CDH13: variants seen among roughly 807,000 people sequenced by gnomAD.
CDH13 encodes cadherin 13.
In CDH13, 24 loss-of-function variants were observed where a neutral mutation model predicts 63.8. That is an observed-to-expected ratio of 0.38 (90% confidence interval 0.27 to 0.53). The LOEUF (loss-of-function observed/expected upper bound fraction) is 0.53. Among genes scored for constraint, CDH13 ranks in the 20% least tolerant of loss-of-function variants. CDH13 has a pLI of 0.85. For synonymous variants in CDH13, 503 were observed against 355.3 expected (o/e 1.42, Z -4.67); for missense variants, 1,049 against 903.1 (o/e 1.16, Z -2.07).
At chr16:83,369,272 C>G (rs1446688830) in intron 6 of CDH13, among the ~76,000 whole-genome samples, 1 of 151,858 alleles carries the variant, frequency 6.6e-6, no homozygotes, top group Non-Finnish European at 1.5e-5. Flanking sequence ...AGCTCATTTT[C>G]TAGTAGCAGT....
chr16:83,285,523 TA>T (rs1039691825), intron 5 of CDH13, among the ~76,000 whole-genome samples: 4 of 151,702 alleles, frequency 2.6e-5, no homozygotes, highest in East Asian at 3.9e-4. Context: ...AAAAAAACAG[TA>T]AAAATAACAC....
chr16:83,426,439 C>G (rs923619366), intron 6 of CDH13, among the ~76,000 whole-genome samples: 1 of 152,050 alleles, frequency 6.6e-6, no homozygotes, highest in Non-Finnish European at 1.5e-5. Flanking sequence ...CACCATAAAT[C>G]TCCTCCTGGA....
intron 4 of CDH13, among the ~76,000 whole-genome samples, chr16:83,136,405 G>T (rs1459915720): frequency 6.8e-6 from 1 of 147,256 alleles, no homozygotes; most frequent in Admixed American, 6.9e-5. Context: ...AGAATGGCGT[G>T]AACCCAGGAG....
At chr16:83,580,448 TTCTCTCTCTCTCTCTCTCTC>T (rs55664829) in intron 7 of CDH13, among the ~76,000 whole-genome samples, 5,502 of 76,362 alleles carry the variant, frequency 0.072, 191 homozygotes, top group Middle Eastern at 0.15. Flanking sequence ...TTCTGTTCAT[TTCTCTCTCTCTCTCTCTCTC>T]TCTCTCTCTC....
At chr16:83,754,273 C>G (rs140489288) in intron 11 of CDH13, among the ~76,000 whole-genome samples, 241 of 152,260 alleles carry the variant, frequency 1.6e-3, no homozygotes, top group African/African-American at 5.3e-3. Context: ...TGTGGGATGG[C>G]TGGAGAGTTA....
At chr16:83,546,131 A>G (rs1051228274) in intron 7 of CDH13, among the ~76,000 whole-genome samples, 2 of 152,228 alleles carry the variant, frequency 1.3e-5, no homozygotes, top group African/African-American at 2.4e-5. Context: ...AGAAAGAGCC[A>G]TTGTGAGGTG....
chr16:83,302,843 A>G (rs945761054), intron 5 of CDH13, among the ~76,000 whole-genome samples: 1 of 152,344 alleles, frequency 6.6e-6, no homozygotes, highest in African/African-American at 2.4e-5. Flanking sequence ...TGTGACAGAT[A>G]TCTCTAACTC....
chr16:82,938,562 G>A (rs866476994), intron 2 of CDH13, among the ~76,000 whole-genome samples: 11 of 152,164 alleles, frequency 7.2e-5, no homozygotes, highest in South Asian at 2.1e-4. Context: ...AGAGGCCACC[G>A]TTGTCCAGAG....
chr16:83,523,976 A>T (rs898947624), intron 7 of CDH13, among the ~76,000 whole-genome samples: 10 of 152,206 alleles, frequency 6.6e-5, no homozygotes, highest in African/African-American at 2.4e-4. Flanking sequence ...AGTCCCCAGG[A>T]GTATTTGCAC....
chr16:83,688,520 C>A (rs1477857102), intron 10 of CDH13, among the ~76,000 whole-genome samples: 1 of 152,098 alleles, frequency 6.6e-6, no homozygotes, highest in Non-Finnish European at 1.5e-5. Flanking sequence ...AAGAGAAGGC[C>A]TTCATCTTCT....
intron 3 of CDH13, among the ~76,000 whole-genome samples, chr16:83,046,490 A>T (rs910166843): frequency 6.6e-6 from 1 of 152,252 alleles, no homozygotes; most frequent in African/African-American, 2.4e-5. Flanking sequence ...TATCCCATAT[A>T]TGTTTTGAGA....
intron 6 of CDH13, among the ~76,000 whole-genome samples, chr16:83,481,816 A>G (rs144482873): frequency 2.1e-3 from 322 of 152,300 alleles, no homozygotes; most frequent in African/African-American, 4.7e-3. Context: ...GGAAGCCCCA[A>G]TGCGTGTCTG....
At position 83,284,290 on chromosome 16, in the gene CDH13, G is replaced by C. The variant is rs183430130; in HGVS notation, c.637-60572G>C. Among the ~76,000 whole-genome samples the C allele has an allele frequency of 1.7e-3, 264 of 152,276 alleles. 1 individual carries two copies. The highest frequency in any genetic ancestry group is 6.0e-3 in the African/African-American group (250 of 41,550). ...TCTGAGTAGTCAAAGCAGAGAGTTG[G>C]TACTAGATGGCGCTGGACTTACTAG... On this transcript the variant is annotated intron_variant, in intron 5 of 13. Transcript: ENST00000567109.
intron 6 of CDH13, among the ~76,000 whole-genome samples, chr16:83,392,323 G>A (rs764492277): frequency 2.0e-5 from 3 of 152,308 alleles, no homozygotes; most frequent in Admixed American, 6.5e-5. Flanking sequence ...CTCACGAGCT[G>A]TAAGTACTAA....
chr16:83,476,289 C>G lies in CDH13; in HGVS notation c.782-10188C>G, dbSNP rs185609542. 2.0e-3 allele frequency among the ~76,000 whole-genome samples: 307 copies of G among 152,180 alleles called. 2 individuals carry two copies. The highest frequency in any genetic ancestry group is 2.0e-3 in the Non-Finnish European group (137 of 68,002). Reference sequence around the variant, plus strand: ...CCCAGTTGTAACAACCAAAAGTATCCCCAGGCATTGCCAAATGTTCCCTAG... The same window carrying G: ...CCCAGTTGTAACAACCAAAAGTATCGCCAGGCATTGCCAAATGTTCCCTAG... On this transcript the variant is annotated intron_variant, in intron 6 of 13. Transcript: ENST00000567109.
chr16:83,397,842 T>C (rs1165930072), intron 6 of CDH13: 2 of 152,186 alleles, frequency 1.3e-5, no homozygotes, highest in East Asian at 1.9e-4. Flanking sequence ...TCCATATTCA[T>C]AGAGCTAAAG....
chr16:83,169,863 C>G (rs537685551), intron 4 of CDH13, among the ~76,000 whole-genome samples: 1 of 152,170 alleles, frequency 6.6e-6, no homozygotes, highest in African/African-American at 2.4e-5. Flanking sequence ...GTTCCAAAAT[C>G]AAAGTCACAT....
At chr16:83,703,993 A>G (rs950387838) in intron 10 of CDH13, among the ~76,000 whole-genome samples, 4 of 152,236 alleles carry the variant, frequency 2.6e-5, no homozygotes, top group Non-Finnish European at 5.9e-5. Flanking sequence ...GAAATGAAAA[A>G]GGCTTTTTGC....
chr16:83,476,706 C>CA lies in CDH13; in HGVS notation c.782-9763dup, dbSNP rs200890682. On this transcript the variant is annotated intron_variant, in intron 6 of 13. Transcript: ENST00000567109. ...AAAACTCTTAAATTGGTTAAACAAA[C>CA]AAAAAAAACCACACCGTGTCCTTTT... Among the ~76,000 whole-genome samples, 397 of 151,714 alleles carry CA rather than the reference C, an allele frequency of 2.6e-3. 1 individual carries two copies. The highest frequency in any genetic ancestry group is 8.7e-3 in the African/African-American group (361 of 41,370).
Sources: gnomAD v4.1 joint callset for allele counts (sites outside exome capture counted in the v4.1 genomes callset) on GRCh38, gnomAD v4.1.1 for gene constraint, MANE v1.5 for transcripts, NCBI Gene and HGNC (gene_info 2026-07-23, HGNC 2026-07-21) for gene names.